PCDH15: variants seen among roughly 807,000 people sequenced by gnomAD.
PCDH15 encodes protocadherin related 15, also known as protocadherin-15.
In PCDH15, 129 loss-of-function variants were observed where a neutral mutation model predicts 178.5. The ratio of observed to expected loss-of-function variants is 0.72; its 90% confidence interval spans 0.63 to 0.84. The LOEUF is 0.84. PCDH15 is among the 40% of genes least tolerant of loss of function. PCDH15 has a pLI of 0.00. For missense variants in PCDH15, 2,230 were observed against 2,099.9 expected, an observed-to-expected ratio of 1.06 and a Z score of -1.21; for synonymous variants, 800 against 732.0, an observed-to-expected ratio of 1.09 and a Z score of -1.50.
chr10:54,747,174 A>G (rs1945578815), intron 1 of PCDH15, among the ~76,000 whole-genome samples: 1 of 152,342 alleles, frequency 6.6e-6, no homozygotes, highest in South Asian at 2.1e-4. Context: ...CATTGTTTTT[A>G]CAAACTGTTT....
At chr10:54,836,824 A>C (rs996508343) in intron 3 of PCDH15, among the ~76,000 whole-genome samples, 1 of 152,126 alleles carries the variant, frequency 6.6e-6, no homozygotes, top group Admixed American at 6.6e-5. Flanking sequence ...AAATTAAACT[A>C]CTGACAAAGG....
intron 20 of PCDH15, among the ~76,000 whole-genome samples, chr10:54,015,527 G>A (rs888787351): frequency 7.2e-5 from 11 of 151,876 alleles, no homozygotes; most frequent in African/African-American, 1.7e-4. Flanking sequence ...TAACCAAAAC[G>A]GCATTGTCCT....
At position 55,121,006 on chromosome 10, in the gene PCDH15, C is replaced by A. The variant is rs190652420; in HGVS notation, c.-80+45570G>T. The stretch of plus-strand genomic sequence containing the variant: ...TAATAGAGCTGTGGATGCAGTGCTG[C>A]CCTTGAGAACCCAAAACTGTAGAAC... On this transcript the variant is annotated intron_variant, in intron 2 of 5. Coordinates refer to the PCDH15 transcript ENST00000458638. Among the ~76,000 whole-genome samples, 662 of 152,206 alleles carry A rather than the reference C, an allele frequency of 4.3e-3. 2 individuals carry two copies. Among genetic ancestry groups the A allele is most frequent in the Non-Finnish European group, 6.6e-3 (448 of 68,012 alleles).
intron 15 of PCDH15, among the ~76,000 whole-genome samples, chr10:54,128,945 C>T (rs541858933): frequency 1.2e-4 from 19 of 152,204 alleles, no homozygotes; most frequent in Non-Finnish European, 2.5e-4. Context: ...ACAAAACATT[C>T]CCATCCCTCC....
intron 2 of PCDH15, among the ~76,000 whole-genome samples, chr10:54,561,377 C>G (rs145290736): frequency 4.6e-5 from 7 of 152,210 alleles, no homozygotes; most frequent in African/African-American, 1.7e-4. Flanking sequence ...CAAGACAAGG[C>G]AAGATATGTA....
intron 2 of PCDH15, among the ~76,000 whole-genome samples, chr10:55,436,817 T>C (rs1184552239): frequency 2.0e-5 from 3 of 152,176 alleles, no homozygotes; most frequent in South Asian, 2.1e-4. Flanking sequence ...AGATAGGTGG[T>C]TATAAGTGGG....
chr10:54,033,832 T>C (rs867113040), intron 18 of PCDH15, among the ~76,000 whole-genome samples: 1 of 152,042 alleles, frequency 6.6e-6, no homozygotes, highest in Non-Finnish European at 1.5e-5. Flanking sequence ...GGTGTTTTTA[T>C]AGGTCCTATA....
chr10:54,501,695 ATTAT>A (rs1338786876), intron 3 of PCDH15, among the ~76,000 whole-genome samples: 12 of 152,108 alleles, frequency 7.9e-5, no homozygotes, highest in African/African-American at 2.9e-4. Context: ...TCTTAAACTC[ATTAT>A]TTAAAGATAT....
At chr10:54,942,621 T>A (rs2131865163) in intron 2 of PCDH15, among the ~76,000 whole-genome samples, 1 of 152,172 alleles carries the variant, frequency 6.6e-6, no homozygotes, top group Admixed American at 6.6e-5. Context: ...CAGCCACACA[T>A]CTGCACACAT....
chr10:54,426,096 A>G (rs1268900786), intron 3 of PCDH15, among the ~76,000 whole-genome samples: 1 of 152,198 alleles, frequency 6.6e-6, no homozygotes, highest in African/African-American at 2.4e-5. Context: ...CCTATTTACT[A>G]TGAGCCCAAG....
chr10:54,516,381 G>C (rs542775206), intron 3 of PCDH15, among the ~76,000 whole-genome samples: 5 of 152,234 alleles, frequency 3.3e-5, no homozygotes, highest in African/African-American at 1.2e-4. Flanking sequence ...TGATGGAGCT[G>C]AAAGCCAAGG....
intron 1 of PCDH15, among the ~76,000 whole-genome samples, chr10:55,213,208 T>C (rs983451580): frequency 2.0e-5 from 3 of 152,068 alleles, no homozygotes; most frequent in Non-Finnish European, 4.4e-5. Flanking sequence ...TGAAAATAGA[T>C]GGTTGGATTA....
intron 3 of PCDH15, among the ~76,000 whole-genome samples, chr10:54,815,477 C>T (rs565582304): frequency 2.6e-4 from 40 of 152,212 alleles, no homozygotes; most frequent in South Asian, 6.2e-4. Context: ...GTTGCTATTG[C>T]GGTGAGCTCA....
chr10:54,684,892 A>C (rs1017057423), intron 1 of PCDH15, among the ~76,000 whole-genome samples: 1 of 152,068 alleles, frequency 6.6e-6, no homozygotes, highest in African/African-American at 2.4e-5. Flanking sequence ...ATAGTAAACT[A>C]ACTTTAGCTT....
Position 54,378,651 on chromosome 10 carries a change from GA to G in PCDH15, c.318+130del, listed in dbSNP as rs572025577. ...CTCATTCTTCTTTAAATGAGTTAAAGAAACTGTTGTTGCTATACTCAGGAAA... is the reference window on the plus strand; with the variant it reads ...CTCATTCTTCTTTAAATGAGTTAAAGAACTGTTGTTGCTATACTCAGGAAA... On this transcript the variant is annotated intron_variant, in intron 4 of 37. Coordinates refer to ENST00000644397, the MANE Select transcript of PCDH15 (RefSeq NM_001384140.1). The G allele has an allele frequency of 2.4e-4, 242 of 1,028,354 alleles. 3 individuals are homozygous for G. In the South Asian group the frequency reaches 3.4e-3, roughly 15 times the overall value. The allele number at this position is 1,028,354 out of a possible 1,614,324, so 63.7% of individuals were successfully genotyped here. A position where few individuals can be genotyped will look rare whatever the true frequency, so the allele number is the denominator to read the frequency against.
At chr10:54,647,381 T>A (rs1215917354) in intron 2 of PCDH15, among the ~76,000 whole-genome samples, 1 of 152,026 alleles carries the variant, frequency 6.6e-6, no homozygotes, top group Non-Finnish European at 1.5e-5. Flanking sequence ...GAAGTGAGAA[T>A]ATGCTAAACA....
At chr10:55,574,730 T>G (rs1039781890) in intron 2 of PCDH15, among the ~76,000 whole-genome samples, 4 of 151,938 alleles carry the variant, frequency 2.6e-5, no homozygotes, top group Non-Finnish European at 5.9e-5. Flanking sequence ...ACCAACAATA[T>G]AATAGACAAT....
chr10:53,842,974 C>T (rs1263426086), intron 28 of PCDH15, among the ~76,000 whole-genome samples: 1 of 152,086 alleles, frequency 6.6e-6, no homozygotes, highest in Non-Finnish European at 1.5e-5. Flanking sequence ...AGTGAAGAAA[C>T]ATATCTATTG....
intron 2 of PCDH15, among the ~76,000 whole-genome samples, chr10:55,401,674 C>A (rs560953016): frequency 6.7e-6 from 1 of 149,920 alleles, no homozygotes; most frequent in South Asian, 2.1e-4. Flanking sequence ...TCTGCCCAAT[C>A]AGGCTGTGTT....
Sources: gnomAD v4.1 joint callset for allele counts (sites outside exome capture counted in the v4.1 genomes callset) on GRCh38, gnomAD v4.1.1 for gene constraint, MANE v1.5 for transcripts, NCBI Gene and HGNC (gene_info 2026-07-23, HGNC 2026-07-21) for gene names.